Variants in STAU1 observed in about 807,000 individuals in gnomAD.
STAU1 encodes double-stranded RNA-binding protein Staufen homolog 1.
STAU1 carries 13 observed loss-of-function variants against 62.9 expected under a neutral mutation model. That is an observed-to-expected ratio of 0.21 (90% CI 0.13 to 0.33). STAU1 has a LOEUF of 0.33. STAU1 is among the 10% of genes least tolerant of loss of function. STAU1 has a pLI of 1.00. For synonymous variants in STAU1, 269 were observed against 265.1 expected (o/e 1.01, Z -0.14); for missense variants, 571 against 712.1 (o/e 0.80, Z 2.25).
the STAU1 span, among the ~76,000 whole-genome samples, chr20:49,217,335 ACAAAC>A: frequency 2.0e-5 from 3 of 152,072 alleles, no homozygotes; most frequent in Non-Finnish European, 1.5e-5. Flanking sequence ...ATGGCAAAGT[ACAAAC>A]ATGGTTCCTG....
chr20:49,156,069 T>C (rs1701889189), intron 3 of STAU1, among the ~76,000 whole-genome samples: 1 of 152,174 alleles, frequency 6.6e-6, no homozygotes, highest in South Asian at 2.1e-4. Context: ...CCTGCTGGCT[T>C]GTATTTAAGT....
intron 3 of STAU1, among the ~76,000 whole-genome samples, chr20:49,165,118 C>T (rs1374453350): frequency 6.6e-6 from 1 of 152,086 alleles, no homozygotes; most frequent in Admixed American, 6.5e-5. Flanking sequence ...GATCTCAGCT[C>T]ACTACAACCT....
At chr20:49,134,946 C>G (rs1850261561) in intron 6 of STAU1, 7 of 1,599,452 alleles carry the variant, frequency 4.4e-6, no homozygotes, top group East Asian at 4.5e-5. Flanking sequence ...AATGATAAAC[C>G]CAGCACGTGG....
At chr20:49,160,737 A>C (rs1406716117) in intron 3 of STAU1, among the ~76,000 whole-genome samples, 1 of 152,188 alleles carries the variant, frequency 6.6e-6, no homozygotes. Context: ...CAAAATACTC[A>C]CTTTGAGACT....
chr20:49,177,396 G>A (rs1300444765), intron 1 of STAU1, among the ~76,000 whole-genome samples: 1 of 151,804 alleles, frequency 6.6e-6, no homozygotes, highest in Non-Finnish European at 1.5e-5. Context: ...AAAAATTTAA[G>A]GGCCGGGCAT....
At chr20:49,166,587 G>C (rs1211898898) in intron 2 of STAU1, among the ~76,000 whole-genome samples, 1 of 152,130 alleles carries the variant, frequency 6.6e-6, no homozygotes, top group Non-Finnish European at 1.5e-5. Flanking sequence ...GCAAACTATA[G>C]CTTACATTCA....
chr20:49,139,014 CA>C (rs2092950934), intron 5 of STAU1, among the ~76,000 whole-genome samples: 1 of 151,874 alleles, frequency 6.6e-6, no homozygotes. Flanking sequence ...GCTTGTTCAA[CA>C]AATGGTGCTA....
chr20:49,130,293 G>A (rs147991122), intron 6 of STAU1, among the ~76,000 whole-genome samples: 59 of 152,320 alleles, frequency 3.9e-4, no homozygotes, highest in Non-Finnish European at 7.3e-4. Flanking sequence ...ATGCTTGCCA[G>A]AGCCTGAGGA....
chr20:49,202,474 G>A, the STAU1 span, among the ~76,000 whole-genome samples: 1 of 151,436 alleles, frequency 6.6e-6, no homozygotes, highest in Non-Finnish European at 1.5e-5. Context: ...TGAGGCAGGA[G>A]ACTTGCTTGA....
rs1361003955 is a variant in STAU1, at chr20:49,117,933, T to G, written c.1353A>C (p.Val451=). ...ACAACTCTCGGGCTATCATGGCAGT[T>G]ACCGTGGCCTTGGCAGGATTCGGAG... is the stretch of plus-strand genomic sequence containing the variant. ...RAAPNPAKAT[V]TAMIARELLY... is the part of the protein sequence containing the mutation. Residue 451 remains valine (V), a synonymous_variant, in exon 11 of 14, where the codon GTA becomes GTC. Transcript: ENST00000371856. The surrounding 1 kb of genome is among the most constrained non-coding windows in gnomAD (Gnocchi z 4.6). The G allele has an allele frequency of 1.2e-6, 2 of 1,614,166 alleles. 1 individual carries two copies. Among genetic ancestry groups the G allele is most frequent in the South Asian group, 2.2e-5 (2 of 91,082 alleles).
intron 5 of STAU1, among the ~76,000 whole-genome samples, chr20:49,138,547 T>C (rs1452027477): frequency 6.6e-6 from 1 of 152,142 alleles, no homozygotes; most frequent in Non-Finnish European, 1.5e-5. Flanking sequence ...TGTTGCCCAG[T>C]CTGAAGGACA....
intron 4 of STAU1, 48 bp downstream of exon 4, chr20:49,153,885 C>T (rs2093309329): frequency 6.6e-7 from 1 of 1,513,800 alleles, no homozygotes; most frequent in African/African-American, 1.5e-5. Flanking sequence ...AAAGATCAGA[C>T]ACGTTTTCTC....
chr20:49,139,540 C>T (rs1190239302), intron 5 of STAU1, among the ~76,000 whole-genome samples: 2 of 152,086 alleles, frequency 1.3e-5, no homozygotes, highest in Admixed American at 6.6e-5. Flanking sequence ...GCCTGGCCAA[C>T]ATGGTGAAAT....
chr20:49,214,066 G>T, the STAU1 span, among the ~76,000 whole-genome samples: 1 of 151,992 alleles, frequency 6.6e-6, no homozygotes, highest in East Asian at 1.9e-4. Context: ...CAAAAAATTA[G>T]CTAGGCATGG....
the STAU1 span, among the ~76,000 whole-genome samples, chr20:49,200,648 T>C: frequency 6.6e-6 from 1 of 150,936 alleles, no homozygotes; most frequent in African/African-American, 2.4e-5. Context: ...TGAAACAACA[T>C]GGATAAGCTT....
At chr20:49,204,626 GTATA>G in the STAU1 span, among the ~76,000 whole-genome samples, 201 of 44,672 alleles carry the variant, frequency 4.5e-3, 4 homozygotes, top group African/African-American at 0.016. Context: ...ATATATATGT[GTATA>G]TATATATATA....
intron 5 of STAU1, among the ~76,000 whole-genome samples, chr20:49,145,724 G>A (rs1363439391): frequency 3.3e-5 from 5 of 150,874 alleles, no homozygotes; most frequent in Admixed American, 1.3e-4. Flanking sequence ...GCGAGACTCC[G>A]TCTTAAAAAA....
the STAU1 span, among the ~76,000 whole-genome samples, chr20:49,206,332 G>A: frequency 2.7e-5 from 4 of 148,052 alleles, no homozygotes; most frequent in Admixed American, 2.7e-4. Flanking sequence ...TGTGTCCATA[G>A]TTTAGAGAGT....
At chr20:49,216,910 T>A in the STAU1 span, among the ~76,000 whole-genome samples, 1 of 152,168 alleles carries the variant, frequency 6.6e-6, no homozygotes, top group Non-Finnish European at 1.5e-5. Context: ...CCATTGCAAA[T>A]CATTCTGGGG....
Sources: allele counts gnomAD v4.1 joint callset (sites outside exome capture counted in the v4.1 genomes callset), GRCh38; gene constraint gnomAD v4.1.1; non-coding constraint Gnocchi (gnomAD v3.1); transcripts MANE v1.5; gene names NCBI Gene and HGNC (gene_info 2026-07-23, HGNC 2026-07-21).